The following CLCN6 variants were observed in gnomAD, a reference collection of about 807,000 sequenced individuals.
CLCN6 encodes Cl-/H+ antiporter 6.
CLCN6 carries 70 observed loss-of-function variants against 109.8 expected under a neutral mutation model. That is an observed-to-expected ratio of 0.64 (90% CI 0.53 to 0.78). CLCN6 has a LOEUF of 0.78. Among genes scored for constraint, CLCN6 ranks in the 30% least tolerant of loss-of-function variants. The pLI is 0.00. For missense variants in CLCN6, 984 were observed against 1,142.3 expected (o/e 0.86, Z 2.00); for synonymous variants, 444 against 447.8 (o/e 0.99, Z 0.11).
intron 13 of CLCN6, chr1:11,830,031 C>G (rs1644860325): frequency 6.6e-6 from 1 of 152,440 alleles, no homozygotes; most frequent in Admixed American, 6.5e-5. Context: ...TCCCAGCATC[C>G]TCTGCCTCTT....
intron 4 of CLCN6, among the ~76,000 whole-genome samples, 193 bp from the exon 5 acceptor site, chr1:11,819,295 G>T (rs921714286): frequency 6.6e-6 from 1 of 151,828 alleles, no homozygotes; most frequent in African/African-American, 2.4e-5. Flanking sequence ...TCTTTGGAGG[G>T]GCAGTGGGAC....
Position 11,830,857 on chromosome 1 carries a change from G to A in CLCN6, c.1248+1535G>A, listed in dbSNP as rs148590677. ...TCTGTTTGTTTTGTTTTTTTAAGAC[G>A]GAGTCTTACTCTGTTACCCAGGCCG... On this transcript the variant is annotated intron_variant, in intron 13 of 22. Coordinates refer to ENST00000346436, the MANE Select transcript of CLCN6 (RefSeq NM_001286.5). Among the ~76,000 whole-genome samples, 693 of 146,178 alleles carry A rather than the reference G, an allele frequency of 4.7e-3. 6 individuals carry two copies. Among genetic ancestry groups the A allele is most frequent in the African/African-American group, 0.015 (613 of 39,694 alleles).
intron 1 of CLCN6, chr1:11,806,804 G>A (rs966884173): frequency 7.3e-5 from 28 of 385,010 alleles, no homozygotes; most frequent in Admixed American, 4.3e-5. Flanking sequence ...GAGTTGACAA[G>A]TCCTTTCTGA....
intron 5 of CLCN6, chr1:11,820,499 G>T: frequency 1.6e-6 from 1 of 629,428 alleles, no homozygotes; most frequent in Non-Finnish European, 2.9e-6. Context: ...GGACACAGTG[G>T]CTCACGCCTG....
In CLCN6 at chr1:11,829,282, C is replaced by A; in HGVS notation, c.1208C>A (p.Ser403Tyr). ...GTGTTAGGAGAATGCCGACAGATGT[C>A]CTCTTCGAGTCAAATCGGTAATGAC... ...SMVLGECRQM[S>Y]SSSQIGNDSF... The change falls in exon 13 of 23, where the codon TCC becomes TAC. Residue 403 changes from serine (S) to tyrosine (Y), a missense_variant. By Grantham distance (144) the Ser-to-Tyr change is moderately radical. Coordinates refer to ENST00000346436, the MANE Select transcript of CLCN6 (RefSeq NM_001286.5). 6.2e-7 allele frequency: 1 copy of A among 1,614,136 alleles called. No homozygotes were observed. The highest frequency in any genetic ancestry group is 8.5e-7 in the Non-Finnish European group (1 of 1,180,006).
chr1:11,808,831 T>G (rs867863045), intron 2 of CLCN6, among the ~76,000 whole-genome samples: 2 of 152,090 alleles, frequency 1.3e-5, no homozygotes, highest in Middle Eastern at 3.2e-3. Context: ...CTGTATCCAC[T>G]GCTGTGTTTT....
At chr1:11,822,388 A>T (rs1488563070) in intron 5 of CLCN6, among the ~76,000 whole-genome samples, 1 of 152,088 alleles carries the variant, frequency 6.6e-6, no homozygotes, top group Non-Finnish European at 1.5e-5. Flanking sequence ...CTTCTTGAGT[A>T]GCTGGGACCA....
chr1:11,813,822 T>A (rs757992261), intron 2 of CLCN6, among the ~76,000 whole-genome samples: 3 of 152,232 alleles, frequency 2.0e-5, no homozygotes, highest in Non-Finnish European at 2.9e-5. Context: ...GTACAAATAA[T>A]CCTAATTTTG....
At chr1:11,824,228 C>T (rs373631477) in intron 7 of CLCN6, among the ~76,000 whole-genome samples, 7 of 152,160 alleles carry the variant, frequency 4.6e-5, no homozygotes, top group African/African-American at 1.2e-4. Context: ...GTTCTCAGGC[C>T]GTGTAAAACC....
At chr1:11,833,759 T>A (rs1644908760) in intron 14 of CLCN6, 118 bp from the exon 15 acceptor site, 1 of 1,561,712 alleles carries the variant, frequency 6.4e-7, no homozygotes, top group Non-Finnish European at 8.7e-7. Flanking sequence ...GACAAAAGAT[T>A]GGTTTCTGCC....
rs188253461 is a variant in CLCN6, at chr1:11,814,807, C to T, written c.148-1039C>T. ...CAGCACTTTGGGAGGCTGAGGAGGG[C>T]GGATCACGAGGTCAGGAGATCGAGA... On this transcript the variant is annotated intron_variant, in intron 2 of 22. Transcript: ENST00000346436. Among the ~76,000 whole-genome samples the T allele has an allele frequency of 4.1e-3, 619 of 151,850 alleles. 5 individuals carry two copies. Among genetic ancestry groups the T allele is most frequent in the African/African-American group, 0.014 (597 of 41,452 alleles).
chr1:11,814,192 G>A (rs61776077), intron 2 of CLCN6, among the ~76,000 whole-genome samples: 2,706 of 152,012 alleles, frequency 0.018, 35 homozygotes, highest in Non-Finnish European at 0.03. Flanking sequence ...AACAGGTTGT[G>A]GGAAGGAGAG....
intron 12 of CLCN6, 36 bp downstream of exon 12, chr1:11,828,660 C>T (rs373485334): frequency 5.2e-5 from 81 of 1,563,368 alleles, no homozygotes; most frequent in Admixed American, 3.5e-4. Flanking sequence ...GAGCCTGCTG[C>T]GGCTCCCTGA....
intron 6 of CLCN6, 55 bp downstream of exon 6, chr1:11,822,856 CT>C: frequency 8.4e-6 from 9 of 1,076,514 alleles, no homozygotes; most frequent in Non-Finnish European, 1.0e-5. Flanking sequence ...TCCCGCACTC[CT>C]TTTCCCCACC....
At chr1:11,827,012 A>G (rs1644819599) in intron 9 of CLCN6, 77 bp from the exon 10 acceptor site, 2 of 1,552,466 alleles carry the variant, frequency 1.3e-6, no homozygotes. Flanking sequence ...GAAAATGTTC[A>G]TGATAAGGAA....
intron 5 of CLCN6, 136 bp from the exon 6 acceptor site, chr1:11,822,559 A>G (rs1379313565): frequency 1.8e-6 from 1 of 555,712 alleles, no homozygotes; most frequent in Non-Finnish European, 3.2e-6. Flanking sequence ...GGCAGTTTTT[A>G]AAAAATTTTT....
intron 8 of CLCN6, 59 bp downstream of exon 8, chr1:11,824,612 A>C (rs1203645389): frequency 1.4e-6 from 2 of 1,436,444 alleles, no homozygotes; most frequent in Non-Finnish European, 1.9e-6. Context: ...GTCTGGTTAC[A>C]CTGGGCCAAA....
chr1:11,811,618 G>T (rs1644600546), intron 2 of CLCN6, among the ~76,000 whole-genome samples: 1 of 152,162 alleles, frequency 6.6e-6, no homozygotes, highest in Non-Finnish European at 1.5e-5. Flanking sequence ...CTGGCCTCGG[G>T]TGATCCGCCC....
chr1:11,837,158 T>G lies in CLCN6; in HGVS notation c.2138+2T>G. 6.2e-7 allele frequency: 1 copy of G among 1,611,248 alleles called. No individual in the cohort carries two copies. Among genetic ancestry groups the G allele is most frequent in the Non-Finnish European group, 8.5e-7 (1 of 1,179,554 alleles). On this transcript the variant is annotated splice_donor_variant, in intron 19 of 22. Transcript: ENST00000346436. LOFTEE classifies it high-confidence loss of function. The stretch of plus-strand genomic sequence containing the variant: ...CCTGCAGCAGATGCTGGAAAGGAGG[T>G]GAGAGCCTGGCGGGGCCCCCACTGC...
Sources: gnomAD v4.1 joint callset for allele counts (sites outside exome capture counted in the v4.1 genomes callset) on GRCh38, gnomAD v4.1.1 for gene constraint, MANE v1.5 for transcripts, NCBI Gene and HGNC (gene_info 2026-07-23, HGNC 2026-07-21) for gene names.